Variants in SLC35F1 observed in about 807,000 individuals in gnomAD.
SLC35F1 encodes the protein chromosome 6 open reading frame 169.
In SLC35F1, 14 loss-of-function variants were observed where a neutral mutation model predicts 48.7. That is an observed-to-expected ratio of 0.29 (90% CI 0.19 to 0.45). The LOEUF (loss-of-function observed/expected upper bound fraction) is 0.45. Ranked by LOEUF, SLC35F1 falls within the 20% of genes least tolerant of loss-of-function variation. SLC35F1 has a pLI of 1.00. For synonymous variants in SLC35F1, 190 were observed against 202.2 expected (o/e 0.94, Z 0.51); for missense variants, 404 against 500.0 (o/e 0.81, Z 1.83).
intron 1 of SLC35F1, among the ~76,000 whole-genome samples, chr6:118,137,274 G>C (rs1302779726): frequency 6.6e-6 from 1 of 152,196 alleles, no homozygotes; most frequent in East Asian, 1.9e-4. Context: ...TATAGGAAAA[G>C]AGGAGTTGTT....
rs116091324 is a variant in SLC35F1 at position 118,129,295 on chromosome 6, G to T, written c.174-25150G>T. Among the ~76,000 whole-genome samples the T allele has an allele frequency of 3.8e-3, 580 of 152,242 alleles. 5 individuals carry two copies. The highest frequency in any genetic ancestry group is 0.013 in the African/African-American group (559 of 41,538). ...AAGTGGCTTCTCTAAGGAAGAGAAT[G>T]GGGTGAGTGAGCATTCCAGGTAGTG... On this transcript the variant is annotated intron_variant, in intron 1 of 7. Coordinates refer to ENST00000360388, the MANE Select transcript of SLC35F1 (RefSeq NM_001029858.4).
At chr6:117,934,086 T>C (rs955108346) in intron 1 of SLC35F1, among the ~76,000 whole-genome samples, 1 of 152,092 alleles carries the variant, frequency 6.6e-6, no homozygotes, top group Non-Finnish European at 1.5e-5. Flanking sequence ...GCAAAGGGAA[T>C]GAGCCGCTGA....
intron 2 of SLC35F1, among the ~76,000 whole-genome samples, chr6:118,199,067 A>G (rs1774839562): frequency 6.6e-6 from 1 of 152,190 alleles, no homozygotes; most frequent in South Asian, 2.1e-4. Context: ...ACCAAAGCTG[A>G]GGGACCCTGA....
At chr6:118,005,216 C>A (rs1276627166) in intron 1 of SLC35F1, among the ~76,000 whole-genome samples, 1 of 151,954 alleles carries the variant, frequency 6.6e-6, no homozygotes, top group Admixed American at 6.6e-5. Context: ...GCGTGTGTGC[C>A]TGCTCACATG....
Position 118,314,390 on chromosome 6 carries a change from C to T in SLC35F1, c.*138C>T, listed in dbSNP as rs776435938. On this transcript the variant is annotated 3_prime_UTR_variant, in exon 8 of 8. Transcript: ENST00000360388. ...TGCAAGGTAGCAAATCCTCCAAAAG[C>T]TTGTGAAAGGAACAAGCTCAACATC... The T allele has an allele frequency of 8.3e-6, 6 of 721,724 alleles. No homozygotes were observed. The highest frequency in any genetic ancestry group is 5.4e-5 in the East Asian group (2 of 36,950). The allele number at this position is 721,724 out of a possible 1,614,324, so 44.7% of individuals were successfully genotyped here. A position where few individuals can be genotyped will look rare whatever the true frequency, so the allele number is the denominator to read the frequency against.
At chr6:117,935,676 C>G (rs1776154899) in intron 1 of SLC35F1, among the ~76,000 whole-genome samples, 2 of 152,068 alleles carry the variant, frequency 1.3e-5, no homozygotes, top group Non-Finnish European at 2.9e-5. Context: ...AGTGAAATCA[C>G]CAACAAAATG....
At chr6:118,167,946 C>G (rs1774342917) in intron 2 of SLC35F1, among the ~76,000 whole-genome samples, 1 of 152,156 alleles carries the variant, frequency 6.6e-6, no homozygotes, top group South Asian at 2.1e-4. Context: ...CTCCATCCAG[C>G]TCCAGTCCTG....
chr6:118,138,835 T>G (rs1773837891), intron 1 of SLC35F1, among the ~76,000 whole-genome samples: 1 of 152,156 alleles, frequency 6.6e-6, no homozygotes. Context: ...GTGCTCATTA[T>G]TATGCATGTC....
rs139999504 is a variant in SLC35F1, at chr6:117,912,383, G to T, written c.173+4484G>T. 1.2e-3 allele frequency among the ~76,000 whole-genome samples: 180 copies of T among 152,320 alleles called. 2 individuals are homozygous for T. The East Asian group carries it at 0.03, about 25-fold the overall frequency. On this transcript the variant is annotated intron_variant, in intron 1 of 7. Transcript: ENST00000360388. ...TACCATGTAAAATGGGACAATATGT[G>T]TACATAGCCTTTCTGAGTCATTAAA...
At chr6:117,963,541 A>T (rs1272953071) in intron 1 of SLC35F1, among the ~76,000 whole-genome samples, 3 of 152,166 alleles carry the variant, frequency 2.0e-5, no homozygotes, top group Non-Finnish European at 4.4e-5. Context: ...AGGGATTCTT[A>T]AAAATGTGAA....
chr6:118,201,966 G>T (rs1774878472), intron 2 of SLC35F1, among the ~76,000 whole-genome samples: 1 of 152,140 alleles, frequency 6.6e-6, no homozygotes, highest in Non-Finnish European at 1.5e-5. Context: ...ATTGTAGAGG[G>T]TGTTCCATTT....
chr6:118,047,280 G>T (rs987841660), intron 1 of SLC35F1, among the ~76,000 whole-genome samples: 20 of 152,214 alleles, frequency 1.3e-4, no homozygotes, highest in African/African-American at 4.8e-4. Flanking sequence ...TAGGTACAAA[G>T]AATTTATAAC....
At chr6:117,975,710 T>G (rs1776697175) in intron 1 of SLC35F1, among the ~76,000 whole-genome samples, 1 of 152,244 alleles carries the variant, frequency 6.6e-6, no homozygotes, top group Non-Finnish European at 1.5e-5. Flanking sequence ...AAGTGCTCTG[T>G]GCTATGCTGA....
At chr6:118,281,064 A>C (rs545713908) in intron 6 of SLC35F1, among the ~76,000 whole-genome samples, 3 of 151,880 alleles carry the variant, frequency 2.0e-5, no homozygotes, top group East Asian at 3.9e-4. Flanking sequence ...AATATTTTAA[A>C]ACTCTGGTAT....
chr6:118,006,483 GT>G (rs1174834319), intron 1 of SLC35F1, among the ~76,000 whole-genome samples: 1 of 152,028 alleles, frequency 6.6e-6, no homozygotes, highest in Non-Finnish European at 1.5e-5. Flanking sequence ...TCTGGGCATG[GT>G]GATGCATACC....
intron 2 of SLC35F1, among the ~76,000 whole-genome samples, chr6:118,186,570 C>T (rs1000063501): frequency 4.6e-5 from 7 of 152,134 alleles, no homozygotes; most frequent in Admixed American, 6.6e-5. Context: ...ATAAGTATTT[C>T]ATTTTGACTA....
chr6:117,946,741 C>T (rs970770606), intron 1 of SLC35F1, among the ~76,000 whole-genome samples: 2 of 152,176 alleles, frequency 1.3e-5, no homozygotes, highest in Admixed American at 6.5e-5. Context: ...GACCTTTTTG[C>T]ACACTAAGAT....
At chr6:117,932,041 G>T (rs1349988777) in intron 1 of SLC35F1, among the ~76,000 whole-genome samples, 4 of 152,182 alleles carry the variant, frequency 2.6e-5, no homozygotes, top group Non-Finnish European at 5.9e-5. Context: ...CAATGGCATT[G>T]ATGCCTTTAT....
intron 2 of SLC35F1, among the ~76,000 whole-genome samples, chr6:118,156,722 A>G (rs1774149799): frequency 6.8e-6 from 1 of 146,382 alleles, no homozygotes; most frequent in Non-Finnish European, 1.5e-5. Flanking sequence ...GGTTTGGTCC[A>G]GTAAGGCAGG....
Sources: gnomAD v4.1 joint callset for allele counts (sites outside exome capture counted in the v4.1 genomes callset) on GRCh38, gnomAD v4.1.1 for gene constraint, MANE v1.5 for transcripts, NCBI Gene and HGNC (gene_info 2026-07-23, HGNC 2026-07-21) for gene names.